The following LINGO2 variants were observed in gnomAD, a reference collection of about 807,000 sequenced individuals.
LINGO2 encodes the protein leucine-rich repeat and immunoglobulin-like domain-containing nogo receptor-interacting protein 2.
A neutral mutation model predicts 30.6 loss-of-function variants in LINGO2; 14 were observed. The ratio of observed to expected loss-of-function variants is 0.46; its 90% CI spans 0.30 to 0.72. The LOEUF is 0.72. LINGO2 is among the 30% of genes least tolerant of loss of function. LINGO2 has a pLI of 0.07. For missense variants in LINGO2, 729 were observed against 751.7 expected (o/e 0.97, Z 0.35); for synonymous variants, 317 against 288.5 (o/e 1.10, Z -1.00).
the LINGO2 span, among the ~76,000 whole-genome samples, chr9:28,686,590 G>A: frequency 1.3e-5 from 2 of 151,992 alleles, no homozygotes; most frequent in Non-Finnish European, 2.9e-5. Context: ...ATGGCAAGCA[G>A]AACACCTGCA....
chr9:28,507,808 T>C (rs1820214761), intron 1 of LINGO2, among the ~76,000 whole-genome samples: 1 of 151,998 alleles, frequency 6.6e-6, no homozygotes, highest in South Asian at 2.1e-4. Context: ...TTATAATGAG[T>C]TTCTCATATG....
chr9:28,085,745 T>C (rs1825894079), intron 4 of LINGO2, among the ~76,000 whole-genome samples: 1 of 152,120 alleles, frequency 6.6e-6, no homozygotes, highest in African/African-American at 2.4e-5. Context: ...AGGACCCATC[T>C]GAGACAGATA....
chr9:28,120,987 A>G lies in LINGO2; in HGVS notation c.-86-108582T>C, dbSNP rs79554064. On this transcript the variant is annotated intron_variant, in intron 4 of 5. Transcript: ENST00000379992. ...TATCATACACAAAAACATCTGTTAC[A>G]TATTGATTTATTTAAAATCTGTCTG... Among the ~76,000 whole-genome samples the G allele has an allele frequency of 9.8e-4, 150 of 152,332 alleles. 1 individual carries two copies. The highest frequency in any genetic ancestry group is 1.8e-3 in the Non-Finnish European group (123 of 68,010).
At chr9:29,195,275 A>C in the LINGO2 span, among the ~76,000 whole-genome samples, 2 of 152,068 alleles carry the variant, frequency 1.3e-5, no homozygotes, top group African/African-American at 4.8e-5. Context: ...CTAATAGAGA[A>C]CATTTTATTG....
At chr9:29,029,599 A>T in the LINGO2 span, among the ~76,000 whole-genome samples, 405 of 152,248 alleles carry the variant, frequency 2.7e-3, 1 homozygote, top group African/African-American at 9.5e-3. Flanking sequence ...ACAGTGATAG[A>T]TTTTTACATA....
rs1287267162 is a variant in LINGO2 at position 28,556,790 on chromosome 9, A to G, written c.-364-80765T>C. On this transcript the variant is annotated intron_variant, in intron 1 of 5. Coordinates refer to ENST00000379992, the Ensembl canonical transcript of LINGO2. ...ACCAAAACAGCATGGTACTGGTACCAAAACAGAGATATAGATCAATGGAAC... is the reference window on the plus strand; with the variant it reads ...ACCAAAACAGCATGGTACTGGTACCGAAACAGAGATATAGATCAATGGAAC... Among the ~76,000 whole-genome samples the G allele has an allele frequency of 2.0e-5, 3 of 152,176 alleles. No individual in the cohort carries two copies. The East Asian group carries it at 5.8e-4, about 29-fold the overall frequency.
intron 1 of LINGO2, among the ~76,000 whole-genome samples, chr9:28,645,469 A>G (rs935736689): frequency 2.0e-5 from 3 of 152,128 alleles, no homozygotes; most frequent in African/African-American, 7.2e-5. Flanking sequence ...GTACACTAAT[A>G]TCTGAATCTA....
chr9:29,015,783 G>A, the LINGO2 span, among the ~76,000 whole-genome samples: 1 of 152,126 alleles, frequency 6.6e-6, no homozygotes, highest in Middle Eastern at 3.4e-3. Context: ...CCTCATAATT[G>A]GAAGCACTAA....
chr9:28,357,687 T>C (rs772689643), intron 3 of LINGO2, among the ~76,000 whole-genome samples: 3 of 152,126 alleles, frequency 2.0e-5, no homozygotes, highest in Non-Finnish European at 4.4e-5. Flanking sequence ...CAACTAATAA[T>C]GAGGCATCAT....
upstream of LINGO2, among the ~76,000 whole-genome samples, chr9:28,674,026 T>TA (rs912551266): frequency 3.3e-5 from 5 of 150,398 alleles, no homozygotes; most frequent in Admixed American, 6.6e-5. Flanking sequence ...TAAACCTAAT[T>TA]AAAAAAAAAT....
intron 5 of LINGO2, among the ~76,000 whole-genome samples, chr9:27,980,035 G>A (rs1820781573): frequency 6.6e-6 from 1 of 151,834 alleles, no homozygotes; most frequent in African/African-American, 2.4e-5. Context: ...CAGGACTTAA[G>A]GTGCATAGTA....
chr9:28,264,553 T>C (rs1189578160), intron 4 of LINGO2, among the ~76,000 whole-genome samples: 1 of 151,958 alleles, frequency 6.6e-6, no homozygotes, highest in Non-Finnish European at 1.5e-5. Flanking sequence ...CATGTTTGCA[T>C]GTCATCGGTG....
At chr9:28,028,997 T>C (rs1233691388) in intron 4 of LINGO2, among the ~76,000 whole-genome samples, 3 of 152,122 alleles carry the variant, frequency 2.0e-5, no homozygotes, top group Non-Finnish European at 4.4e-5. Context: ...GGGTGCTTCT[T>C]AGGGAGGCTC....
At chr9:28,710,128 T>C in the LINGO2 span, among the ~76,000 whole-genome samples, 20 of 151,602 alleles carry the variant, frequency 1.3e-4, no homozygotes, top group Non-Finnish European at 2.5e-4. Flanking sequence ...GGTGGGGCCA[T>C]TGGGAGCTGA....
chr9:29,072,317 CATATAA>C, the LINGO2 span, among the ~76,000 whole-genome samples: 1 of 151,756 alleles, frequency 6.6e-6, no homozygotes, highest in African/African-American at 2.4e-5. Context: ...ATTTTTAATA[CATATAA>C]ATAGAACGAC....
the LINGO2 span, among the ~76,000 whole-genome samples, chr9:29,134,441 A>G: frequency 6.6e-6 from 1 of 151,854 alleles, no homozygotes; most frequent in East Asian, 1.9e-4. Context: ...ACAACTTTGA[A>G]ATAACCATGT....
At chr9:29,178,370 T>G in the LINGO2 span, among the ~76,000 whole-genome samples, 1 of 152,168 alleles carries the variant, frequency 6.6e-6, no homozygotes, top group African/African-American at 2.4e-5. Context: ...TTATTCTCTC[T>G]TCATTGCTCT....
At chr9:29,110,783 C>T in the LINGO2 span, among the ~76,000 whole-genome samples, 1 of 152,072 alleles carries the variant, frequency 6.6e-6, no homozygotes, top group Non-Finnish European at 1.5e-5. Flanking sequence ...CTCCGCCTCC[C>T]GGGTTCAAGC....
chr9:29,008,977 T>G, the LINGO2 span, among the ~76,000 whole-genome samples: 1 of 152,230 alleles, frequency 6.6e-6, no homozygotes, highest in African/African-American at 2.4e-5. Flanking sequence ...TCAAAAAAAT[T>G]CAACAGCGCT....
Sources: gnomAD v4.1 joint callset for allele counts (sites outside exome capture counted in the v4.1 genomes callset) on GRCh38, gnomAD v4.1.1 for gene constraint, MANE v1.5 for transcripts, NCBI Gene and HGNC (gene_info 2026-07-23, HGNC 2026-07-21) for gene names.